ATP2C1: variants seen among roughly 807,000 people sequenced by gnomAD.
ATP2C1 encodes the protein ATPase secretory pathway Ca2+ transporting 1.
In ATP2C1, 31 loss-of-function variants were observed where a neutral mutation model predicts 120.5. The observed-to-expected ratio is 0.26, with a 90% CI of 0.19 to 0.35. ATP2C1 has a LOEUF of 0.35. ATP2C1 is among the 10% of genes least tolerant of loss of function. The pLI is 1.00. For synonymous variants in ATP2C1, 351 were observed against 358.7 expected, an observed-to-expected ratio of 0.98 and a Z score of 0.24; for missense variants, 731 against 1,107.5, an observed-to-expected ratio of 0.66 and a Z score of 4.83.
intron 1 of ATP2C1, among the ~76,000 whole-genome samples, chr3:130,858,074 G>A (rs748625252): frequency 3.9e-5 from 6 of 152,088 alleles, no homozygotes; most frequent in Admixed American, 1.3e-4. Context: ...GATGAAGGCC[G>A]GAAGACTCAG....
At chr3:130,912,844 G>A (rs1210615153) in intron 2 of ATP2C1, among the ~76,000 whole-genome samples, 1 of 152,046 alleles carries the variant, frequency 6.6e-6, no homozygotes, top group Non-Finnish European at 1.5e-5. Context: ...CAAAAACTTG[G>A]AACTAACCCA....
At chr3:130,984,730 A>G (rs1698308688) in intron 20 of ATP2C1, among the ~76,000 whole-genome samples, 1 of 152,230 alleles carries the variant, frequency 6.6e-6, no homozygotes, top group African/African-American at 2.4e-5. Context: ...TCAAAATCCT[A>G]AAAATCTAAT....
At chr3:130,904,978 C>G (rs986373624) in intron 2 of ATP2C1, among the ~76,000 whole-genome samples, 4 of 151,950 alleles carry the variant, frequency 2.6e-5, no homozygotes, top group African/African-American at 9.7e-5. Context: ...AAAATTTGTT[C>G]CTGTGTCTTT....
At chr3:130,967,579 A>G (rs2061104932) in intron 16 of ATP2C1, among the ~76,000 whole-genome samples, 160 bp downstream of exon 16, 1 of 152,178 alleles carries the variant, frequency 6.6e-6, no homozygotes, top group African/African-American at 2.4e-5. Context: ...TTTTATTCCT[A>G]TAAATGTAAA....
chr3:130,955,979 C>A, intron 10 of ATP2C1, 125 bp from the exon 11 acceptor site: 1 of 708,268 alleles, frequency 1.4e-6, no homozygotes, highest in Non-Finnish European at 2.6e-6. Flanking sequence ...TGATTATTTA[C>A]CTTATGGGAG....
chr3:130,926,057 C>G (rs1271359301), intron 2 of ATP2C1, among the ~76,000 whole-genome samples: 1 of 152,180 alleles, frequency 6.6e-6, no homozygotes, highest in South Asian at 2.1e-4. Context: ...ACAAGCCTCC[C>G]CCTTGAGAAA....
intron 20 of ATP2C1, among the ~76,000 whole-genome samples, chr3:130,984,784 G>A (rs1210089763): frequency 6.6e-6 from 1 of 152,094 alleles, no homozygotes; most frequent in Non-Finnish European, 1.5e-5. Flanking sequence ...ACATTTTTAA[G>A]AAGGAATTTA....
intron 13 of ATP2C1, 36 bp downstream of exon 13, chr3:130,964,131 G>T (rs770698585): frequency 6.2e-7 from 1 of 1,610,006 alleles, no homozygotes; most frequent in Non-Finnish European, 8.5e-7. Context: ...ATGCAATGAT[G>T]CGTAAGTTTA....
intron 2 of ATP2C1, among the ~76,000 whole-genome samples, chr3:130,924,325 T>C (rs2059107160): frequency 6.6e-6 from 1 of 152,220 alleles, no homozygotes; most frequent in Admixed American, 6.5e-5. Context: ...CTCTCCTTCA[T>C]TTATGAAGCT....
At chr3:130,867,820 G>A (rs1322519475) in intron 1 of ATP2C1, among the ~76,000 whole-genome samples, 2 of 131,702 alleles carry the variant, frequency 1.5e-5, no homozygotes, top group African/African-American at 2.9e-5. Flanking sequence ...GTCTCTGCCC[G>A]GCCGCCATCC....
intron 16 of ATP2C1, among the ~76,000 whole-genome samples, chr3:130,968,871 G>A (rs2061169437): frequency 6.6e-6 from 1 of 152,114 alleles, no homozygotes; most frequent in African/African-American, 2.4e-5. Flanking sequence ...AGAGGGTAAG[G>A]GACTAGGATG....
chr3:130,896,114 GAAAC>G (rs2069605888), intron 2 of ATP2C1, among the ~76,000 whole-genome samples: 1 of 152,198 alleles, frequency 6.6e-6, no homozygotes, highest in Non-Finnish European at 1.5e-5. Flanking sequence ...TTTCTTGGTA[GAAAC>G]ATCTTAAATA....
intron 23 of ATP2C1, 34 bp from the exon 24 acceptor site, chr3:130,996,646 A>C (rs200126676): frequency 1.6e-4 from 218 of 1,323,016 alleles, no homozygotes; most frequent in Middle Eastern, 9.1e-4. Context: ...GATTTACTCT[A>C]CTGATATTTT....
upstream of ATP2C1, among the ~76,000 whole-genome samples, chr3:130,889,589 C>T (rs2069097357): frequency 6.6e-6 from 1 of 150,962 alleles, no homozygotes; most frequent in South Asian, 2.1e-4. Flanking sequence ...ATAATGTTGT[C>T]CTAGTTAACC....
At chr3:130,882,086 T>C (rs774484913) in intron 1 of ATP2C1, among the ~76,000 whole-genome samples, 34 of 152,242 alleles carry the variant, frequency 2.2e-4, no homozygotes, top group Non-Finnish European at 4.3e-4. Flanking sequence ...TCCAGTACTA[T>C]GTTGAATAAT....
chr3:131,011,931 TAGG>T (rs1431290977), intron 26 of ATP2C1, among the ~76,000 whole-genome samples: 5 of 152,302 alleles, frequency 3.3e-5, no homozygotes, highest in East Asian at 1.9e-4. Context: ...CTAATACATG[TAGG>T]AGAAGATATA....
Position 130,933,088 on chromosome 3 carries a change from A to C in ATP2C1, c.234+950A>C, listed in dbSNP as rs181675198. 1.7e-4 allele frequency among the ~76,000 whole-genome samples: 26 copies of C among 152,312 alleles called. No individual in the cohort carries two copies. The East Asian group carries it at 4.8e-3, about 28-fold the overall frequency. The stretch of plus-strand genomic sequence containing the variant: ...GTTTACTCTGGATTTATAAATTGTA[A>C]TGATTTGACTTATCCCTAGGCAGTA... On this transcript the variant is annotated intron_variant, in intron 4 of 27. Coordinates refer to ENST00000510168, the MANE Select transcript of ATP2C1 (RefSeq NM_001378687.1).
chr3:130,861,910 G>T (rs2068025717), intron 1 of ATP2C1, among the ~76,000 whole-genome samples: 1 of 152,042 alleles, frequency 6.6e-6, no homozygotes, highest in Non-Finnish European at 1.5e-5. Context: ...CTACAATGTG[G>T]GGGCCACAGG....
At chr3:130,967,264 G>A (rs747569646) in intron 15 of ATP2C1, 24 bp downstream of exon 15, 1 of 1,611,780 alleles carries the variant, frequency 6.2e-7, no homozygotes, top group East Asian at 2.2e-5. Flanking sequence ...TTTCCAAGAT[G>A]GTGACTTTCT....
Sources: gnomAD v4.1 joint callset for allele counts (sites outside exome capture counted in the v4.1 genomes callset) on GRCh38, gnomAD v4.1.1 for gene constraint, MANE v1.5 for transcripts, NCBI Gene and HGNC (gene_info 2026-07-23, HGNC 2026-07-21) for gene names.